The following SUMF1 variants were observed in gnomAD, a reference collection of about 807,000 sequenced individuals.
The protein encoded by SUMF1 is sulfatase modifying factor 1, also known as formylglycine-generating enzyme.
In SUMF1, 48 loss-of-function variants were observed where a neutral mutation model predicts 47.6. That is an observed-to-expected ratio of 1.01 (90% CI 0.80 to 1.28). The LOEUF (loss-of-function observed/expected upper bound fraction) is 1.28, where lower values mean the gene tolerates loss of function less well. Among genes scored for constraint, SUMF1 ranks in the 50% most tolerant of loss-of-function variants. The probability of loss-of-function intolerance (pLI) is 0.00; values close to 1 mark genes in which losing one functional copy is unlikely to be tolerated. For synonymous variants in SUMF1, 230 were observed against 192.1 expected, an observed-to-expected ratio of 1.20 and a Z score of -1.63; for missense variants, 571 against 485.4, an observed-to-expected ratio of 1.18 and a Z score of -1.66.
intron 8 of SUMF1, among the ~76,000 whole-genome samples, chr3:4,229,747 C>A (rs901451670): frequency 2.0e-5 from 3 of 152,076 alleles, no homozygotes; most frequent in Non-Finnish European, 1.5e-5. Flanking sequence ...GGCACAGTGG[C>A]TCATGTCTCT....
chr3:4,356,888 C>G (rs905245508), downstream of SUMF1, among the ~76,000 whole-genome samples: 4 of 152,226 alleles, frequency 2.6e-5, no homozygotes, highest in South Asian at 8.3e-4. Flanking sequence ...CATGCCCAGC[C>G]TGCTTCACCT....
At chr3:4,082,472 C>T (rs1692581844) in intron 8 of SUMF1, among the ~76,000 whole-genome samples, 1 of 151,600 alleles carries the variant, frequency 6.6e-6, no homozygotes, top group Non-Finnish European at 1.5e-5. Context: ...CACCCTGTTT[C>T]AAAAATTAAG....
At position 4,361,929 on chromosome 3, in the gene SUMF1, G is replaced by T. The variant is rs1699772235; in HGVS notation, c.*215C>A. ...TAAAGACTCTCAAAAGTAAAATATG[G>T]TGATGATCTCCAAAGATGCACCACA... On this transcript the variant is annotated 3_prime_UTR_variant, in exon 9 of 9. Coordinates refer to ENST00000272902, the MANE Select transcript of SUMF1 (RefSeq NM_182760.4). The T allele has an allele frequency of 1.4e-5, 8 of 564,700 alleles. No homozygotes were observed. The highest frequency in any genetic ancestry group is 2.5e-5 in the Non-Finnish European group (8 of 313,892). The allele number at this position is 564,700 out of a possible 1,614,324, so 35.0% of individuals were successfully genotyped here.
At chr3:4,341,387 T>C (rs1227303801) in intron 8 of SUMF1, among the ~76,000 whole-genome samples, 1 of 152,216 alleles carries the variant, frequency 6.6e-6, no homozygotes, top group African/African-American at 2.4e-5. Context: ...TTTTGGTTTT[T>C]TTAAAAGGAA....
At chr3:4,220,838 T>C (rs1696044377) in intron 8 of SUMF1, among the ~76,000 whole-genome samples, 2 of 152,124 alleles carry the variant, frequency 1.3e-5, no homozygotes, top group East Asian at 3.9e-4. Context: ...AGTTGACTTC[T>C]CTGGATCCCT....
intron 7 of SUMF1, among the ~76,000 whole-genome samples, chr3:4,409,476 C>T (rs2125005467): frequency 6.6e-6 from 1 of 152,262 alleles, no homozygotes; most frequent in East Asian, 1.9e-4. Context: ...AAGCGCTCAG[C>T]TCCACACCAG....
rs575085860 is a variant in SUMF1 at position 4,192,575 on chromosome 3, C to G, written c.1015-123830G>C. Among the ~76,000 whole-genome samples the G allele has an allele frequency of 2.0e-5, 3 of 152,100 alleles. No homozygotes were observed. In the East Asian group the frequency reaches 5.8e-4, roughly 29 times the overall value. ...AATAAAGAATTTGTCTGGTTTTGTTCCTGGTTCCTAGGAACTTCTAAATCC... is the reference window on the plus strand; with the variant it reads ...AATAAAGAATTTGTCTGGTTTTGTTGCTGGTTCCTAGGAACTTCTAAATCC... On this transcript the variant is annotated intron_variant and NMD_transcript_variant, in intron 8 of 12. Coordinates refer to the SUMF1 transcript ENST00000448413.
At chr3:4,062,879 A>G (rs992993055) in intron 9 of SUMF1, among the ~76,000 whole-genome samples, 1 of 152,136 alleles carries the variant, frequency 6.6e-6, no homozygotes, top group Admixed American at 6.5e-5. Flanking sequence ...GGGAAGTCTA[A>G]TATTCTAAAT....
chr3:4,325,200 C>G (rs1698916619), intron 8 of SUMF1, among the ~76,000 whole-genome samples: 1 of 151,996 alleles, frequency 6.6e-6, no homozygotes, highest in East Asian at 1.9e-4. Context: ...AGGGACACAG[C>G]CAAACCATAT....
At chr3:4,343,397 G>C (rs974090640) in intron 8 of SUMF1, among the ~76,000 whole-genome samples, 3 of 152,182 alleles carry the variant, frequency 2.0e-5, no homozygotes, top group Non-Finnish European at 4.4e-5. Context: ...GGCAGAGAGG[G>C]GAGTGCAAAC....
At chr3:4,137,241 G>C (rs549207045) in intron 8 of SUMF1, among the ~76,000 whole-genome samples, 79 of 152,138 alleles carry the variant, frequency 5.2e-4, no homozygotes, top group African/African-American at 1.7e-3. Context: ...AAAAATGATA[G>C]ACTGGATTAA....
chr3:4,125,019 TC>T, intron 8 of SUMF1, among the ~76,000 whole-genome samples: 1 of 152,238 alleles, frequency 6.6e-6, no homozygotes, highest in Non-Finnish European at 1.5e-5. Flanking sequence ...GCCTAATCTT[TC>T]CCACTGAAAA....
Position 4,361,865 on chromosome 3 carries a change from G to A in SUMF1, c.*279C>T, listed in dbSNP as rs1699769914. On this transcript the variant is annotated 3_prime_UTR_variant, in exon 9 of 9. Coordinates refer to ENST00000272902, the MANE Select transcript of SUMF1 (RefSeq NM_182760.4). ...AGCCTGCGTAGGACGCGGGCCTCCT[G>A]AAGCCTAGCTCAGGGTTCCCTCCAC... 4 of 429,184 alleles carry A rather than the reference G, an allele frequency of 9.3e-6. No homozygotes were observed. Among genetic ancestry groups the A allele is most frequent in the Non-Finnish European group, 1.7e-5 (4 of 229,104 alleles). The allele number at this position is 429,184 out of a possible 1,614,324, so 26.6% of individuals were successfully genotyped here. A position where few individuals can be genotyped will look rare whatever the true frequency, so the allele number is the denominator to read the frequency against.
intron 8 of SUMF1, among the ~76,000 whole-genome samples, chr3:4,205,594 G>C (rs1294585563): frequency 6.6e-6 from 1 of 152,194 alleles, no homozygotes; most frequent in South Asian, 2.1e-4. Flanking sequence ...AGGGCATCGA[G>C]TGTTGTAATT....
At chr3:4,334,554 C>G (rs1190167126) in intron 8 of SUMF1, among the ~76,000 whole-genome samples, 1 of 152,158 alleles carries the variant, frequency 6.6e-6, no homozygotes, top group Non-Finnish European at 1.5e-5. Flanking sequence ...CACACAAAGG[C>G]TCAAAAGCCT....
intron 8 of SUMF1, among the ~76,000 whole-genome samples, chr3:4,203,159 T>C (rs1327390615): frequency 6.6e-6 from 1 of 151,984 alleles, no homozygotes; most frequent in African/African-American, 2.4e-5. Context: ...GTTTTCTGTC[T>C]AAAGGTCTCT....
At chr3:4,256,771 T>A (rs1397105243) in intron 8 of SUMF1, among the ~76,000 whole-genome samples, 1 of 151,980 alleles carries the variant, frequency 6.6e-6, no homozygotes, top group Non-Finnish European at 1.5e-5. Flanking sequence ...GAGGCCAGCA[T>A]CATTCTGATA....
intron 7 of SUMF1, among the ~76,000 whole-genome samples, chr3:4,380,230 T>C (rs1700460391): frequency 6.6e-6 from 1 of 152,188 alleles, no homozygotes. Flanking sequence ...CATGGAATAC[T>C]ACACAGCCAT....
At chr3:4,408,446 T>A (rs763143158) in intron 7 of SUMF1, among the ~76,000 whole-genome samples, 1 of 152,162 alleles carries the variant, frequency 6.6e-6, no homozygotes, top group Non-Finnish European at 1.5e-5. Flanking sequence ...ACTTCATAAT[T>A]AACTGTTTAA....
Sources: gnomAD v4.1 joint callset for allele counts (sites outside exome capture counted in the v4.1 genomes callset) on GRCh38, gnomAD v4.1.1 for gene constraint, MANE v1.5 for transcripts, NCBI Gene and HGNC (gene_info 2026-07-23, HGNC 2026-07-21) for gene names.